The following PLPP4 variants were observed in gnomAD, a reference collection of about 807,000 sequenced individuals.
PLPP4 encodes the protein phospholipid phosphatase 4.
In PLPP4, 20 loss-of-function variants were observed where a neutral mutation model predicts 32.2. The observed-to-expected ratio is 0.62, with a 90% CI of 0.44 to 0.90. PLPP4 has a LOEUF of 0.90. Among genes scored for constraint, PLPP4 ranks in the 40% least tolerant of loss-of-function variants. PLPP4 has a pLI of 0.00. For missense variants in PLPP4, 257 were observed against 353.1 expected, an observed-to-expected ratio of 0.73 and a Z score of 2.18; for synonymous variants, 127 against 133.0, an observed-to-expected ratio of 0.95 and a Z score of 0.31.
intron 1 of PLPP4, among the ~76,000 whole-genome samples, chr10:120,475,631 G>A (rs569504744): frequency 6.2e-4 from 94 of 152,350 alleles, no homozygotes; most frequent in Admixed American, 1.8e-3. Flanking sequence ...ACGAGATGAT[G>A]AGTGAGCCCG....
In PLPP4 at chr10:120,591,313, C is replaced by T. The variant is rs542465620; in HGVS notation, c.*1811C>T. Among the ~76,000 whole-genome samples, 6 of 152,218 alleles carry T rather than the reference C, an allele frequency of 3.9e-5. No individual in the cohort carries two copies. Among genetic ancestry groups the T allele is most frequent in the Non-Finnish European group, 5.9e-5 (4 of 68,002 alleles). On this transcript the variant is annotated 3_prime_UTR_variant, in exon 7 of 7. Transcript: ENST00000398250. The stretch of plus-strand genomic sequence containing the variant: ...TGGTCCTTCCAAACTGGCTTTGGCA[C>T]GGTCATGTGATTGTCCCCTGGATGG...
chr10:120,562,872 T>C (rs1298849132), intron 5 of PLPP4, among the ~76,000 whole-genome samples: 4 of 152,190 alleles, frequency 2.6e-5, no homozygotes. Flanking sequence ...GGAATCACTG[T>C]TACTAAAATA....
chr10:120,578,938 T>G (rs10886715), intron 6 of PLPP4, among the ~76,000 whole-genome samples: 20,878 of 152,220 alleles, frequency 0.14, 1,764 homozygotes, highest in Admixed American at 0.2. Flanking sequence ...AACAATGTGT[T>G]TAGCAGCGCT....
chr10:120,482,714 C>A (rs1186731984), intron 1 of PLPP4, among the ~76,000 whole-genome samples: 4 of 151,184 alleles, frequency 2.6e-5, no homozygotes, highest in Non-Finnish European at 4.4e-5. Flanking sequence ...ACCATCCTGG[C>A]GAACAGGGTG....
In PLPP4 at chr10:120,503,923, G is replaced by A; in HGVS notation, c.162G>A (p.Met54Ile). 6.3e-7 allele frequency: 1 copy of A among 1,578,878 alleles called. No individual in the cohort carries two copies. Among genetic ancestry groups the A allele is most frequent in the Non-Finnish European group, 8.7e-7 (1 of 1,148,142 alleles). ...CAGATAACATACCTACCCGCCTCATGTTTGTAAGTACCATGATTTCATTCC... is the reference window on the plus strand; with the variant it reads ...CAGATAACATACCTACCCGCCTCATATTTGTAAGTACCATGATTTCATTCC... ...VQSDNIPTRL[M>I]FAISFLTPLA... Residue 54 changes from methionine (M) to isoleucine (I), a missense_variant, in exon 2 of 7, where the codon ATG (methionine) becomes ATA (isoleucine). Physicochemically the swap from Met to Ile is conservative, Grantham distance 10. Coordinates refer to ENST00000398250, the MANE Select transcript of PLPP4 (RefSeq NM_001030059.3).
chr10:120,505,454 G>A (rs1053834267), intron 2 of PLPP4, among the ~76,000 whole-genome samples: 4 of 152,154 alleles, frequency 2.6e-5, no homozygotes, highest in Non-Finnish European at 5.9e-5. Flanking sequence ...GACCTGCCAT[G>A]GTGTCTTGTG....
intron 5 of PLPP4, among the ~76,000 whole-genome samples, chr10:120,527,960 G>T (rs1193706764): frequency 6.6e-6 from 1 of 151,970 alleles, no homozygotes. Flanking sequence ...GAGGAAACAG[G>T]AAAGTAGAGG....
intron 5 of PLPP4, among the ~76,000 whole-genome samples, chr10:120,557,590 A>G (rs188445861): frequency 9.8e-5 from 15 of 152,330 alleles, no homozygotes; most frequent in Non-Finnish European, 1.3e-4. Flanking sequence ...GCTGAATCAC[A>G]GTTGTCACAA....
At chr10:120,524,027 C>T (rs1846283319) in intron 5 of PLPP4, among the ~76,000 whole-genome samples, 1 of 152,198 alleles carries the variant, frequency 6.6e-6, no homozygotes. Context: ...TGGTGGCTGA[C>T]ATCTGATCTG....
At chr10:120,583,894 G>A (rs538849811) in intron 6 of PLPP4, among the ~76,000 whole-genome samples, 3 of 152,316 alleles carry the variant, frequency 2.0e-5, no homozygotes, top group South Asian at 2.1e-4. Flanking sequence ...CTGGTGGTAG[G>A]TGTGAGGCCA....
chr10:120,582,469 C>G (rs984090983), intron 6 of PLPP4, among the ~76,000 whole-genome samples: 2 of 152,124 alleles, frequency 1.3e-5, no homozygotes, highest in East Asian at 1.9e-4. Context: ...TAGGGCCCAC[C>G]CTGATTATCA....
chr10:120,538,863 A>C (rs979898735), intron 5 of PLPP4, among the ~76,000 whole-genome samples: 1 of 152,148 alleles, frequency 6.6e-6, no homozygotes, highest in African/African-American at 2.4e-5. Flanking sequence ...GAGGAAACTG[A>C]GAGAGGGCAA....
At chr10:120,566,547 T>TC (rs1268935202) in intron 5 of PLPP4, among the ~76,000 whole-genome samples, 1 of 151,060 alleles carries the variant, frequency 6.6e-6, no homozygotes, top group East Asian at 1.9e-4. Context: ...CTTATTCTTT[T>TC]TTTTTTTTTT....
At chr10:120,542,390 G>A (rs1229144810) in intron 5 of PLPP4, among the ~76,000 whole-genome samples, 1 of 152,148 alleles carries the variant, frequency 6.6e-6, no homozygotes, top group Non-Finnish European at 1.5e-5. Flanking sequence ...AGAATTAATA[G>A]TGAATCACAT....
rs191631717 is a variant in PLPP4, at chr10:120,520,901, G to C, written c.321-70G>C. The C allele has an allele frequency of 3.0e-4, 484 of 1,587,122 alleles. 4 individuals carry two copies. The East Asian group carries it at 9.3e-3, about 30-fold the overall frequency. On this transcript the variant is annotated intron_variant, in intron 4 of 6. Coordinates refer to ENST00000398250, the MANE Select transcript of PLPP4 (RefSeq NM_001030059.3). ...AAGAGCTGGGGGCAGTGGGGAGTTG[G>C]GGGGGTCAGCTTGGGGTCATTTGTG...
chr10:120,558,998 C>A (rs529193964), intron 5 of PLPP4, among the ~76,000 whole-genome samples: 25 of 152,330 alleles, frequency 1.6e-4, no homozygotes, highest in South Asian at 1.2e-3. Flanking sequence ...CATTGCCCCA[C>A]AGTCTTGTCG....
At chr10:120,519,803 T>C (rs998993200) in intron 4 of PLPP4, among the ~76,000 whole-genome samples, 1 of 152,204 alleles carries the variant, frequency 6.6e-6, no homozygotes, top group Non-Finnish European at 1.5e-5. Flanking sequence ...GTTTCCAACA[T>C]TAGCTAAACT....
intron 1 of PLPP4, among the ~76,000 whole-genome samples, chr10:120,471,307 G>T (rs757815720): frequency 6.6e-6 from 1 of 151,566 alleles, no homozygotes; most frequent in Non-Finnish European, 1.5e-5. Context: ...TCTTTTTGTG[G>T]TGCTTTATTT....
intron 6 of PLPP4, among the ~76,000 whole-genome samples, chr10:120,587,027 G>A (rs1013660331): frequency 2.0e-5 from 3 of 152,162 alleles, no homozygotes; most frequent in African/African-American, 7.2e-5. Flanking sequence ...ATCGAGCCCT[G>A]AAATATTAAT....
Sources: allele counts gnomAD v4.1 joint callset (sites outside exome capture counted in the v4.1 genomes callset), GRCh38; gene constraint gnomAD v4.1.1; transcripts MANE v1.5; gene names NCBI Gene and HGNC (gene_info 2026-07-23, HGNC 2026-07-21).